The following FGF14 variants were observed in gnomAD, a reference collection of about 807,000 sequenced individuals.
FGF14 encodes fibroblast growth factor 14, also known as fibroblast growth factor homologous factor 4.
FGF14 carries 5 observed loss-of-function variants against 25.5 expected under a neutral mutation model. That is an observed-to-expected ratio of 0.20 (90% CI 0.10 to 0.41). FGF14 has a LOEUF of 0.41. FGF14 is among the 10% of genes least tolerant of loss of function. The probability of loss-of-function intolerance (pLI) is 1.00; values close to 1 mark genes in which losing one functional copy is unlikely to be tolerated. For missense variants in FGF14, 222 were observed against 320.1 expected (o/e 0.69, Z 2.34); for synonymous variants, 138 against 118.3 (o/e 1.17, Z -1.08).
chr13:101,867,311 T>G (rs2044762601), intron 3 of FGF14, among the ~76,000 whole-genome samples: 1 of 151,972 alleles, frequency 6.6e-6, no homozygotes, highest in South Asian at 2.1e-4. Context: ...TACAACCACA[T>G]GACAAAAAAT....
intron 1 of FGF14, among the ~76,000 whole-genome samples, chr13:101,934,424 G>A (rs971758495): frequency 1.3e-5 from 2 of 152,132 alleles, no homozygotes; most frequent in Non-Finnish European, 2.9e-5. Flanking sequence ...GATATCAGAA[G>A]AATTTTTGTC....
chr13:102,182,466 G>A (rs908543531), intron 1 of FGF14, among the ~76,000 whole-genome samples: 5 of 152,066 alleles, frequency 3.3e-5, no homozygotes, highest in Admixed American at 1.3e-4. Context: ...CTGATAATAC[G>A]TTATGGCTGC....
At chr13:102,065,206 C>T (rs1328371719) in intron 1 of FGF14, among the ~76,000 whole-genome samples, 4 of 151,986 alleles carry the variant, frequency 2.6e-5, no homozygotes, top group East Asian at 3.8e-4. Flanking sequence ...CTAGAAGTAA[C>T]CATAATGGAT....
At chr13:101,939,014 C>T (rs1235296731) in intron 1 of FGF14, among the ~76,000 whole-genome samples, 2 of 152,132 alleles carry the variant, frequency 1.3e-5, no homozygotes, top group Non-Finnish European at 2.9e-5. Context: ...GTACATCATG[C>T]AGCACATCCC....
rs1021646938 is a variant in FGF14, at chr13:101,748,513, A to T, written c.409-21703T>A. ...TGAGGATAGGAGGGGGACGACAGAT[A>T]AATTCTTTAATGGGTACAACGTACA... On this transcript the variant is annotated intron_variant, in intron 3 of 4. Transcript: ENST00000376143. 3.3e-5 allele frequency among the ~76,000 whole-genome samples: 5 copies of T among 151,790 alleles called. No individual in the cohort carries two copies. The East Asian group carries it at 9.7e-4, about 29-fold the overall frequency.
intron 1 of FGF14, among the ~76,000 whole-genome samples, chr13:102,167,926 A>T (rs1192204732): frequency 2.0e-5 from 3 of 152,110 alleles, no homozygotes; most frequent in Non-Finnish European, 4.4e-5. Flanking sequence ...AGCCAGGTAT[A>T]CGCACACACA....
At chr13:102,310,700 GGGGGGGGGGT>G (rs1566927686) in intron 1 of FGF14, among the ~76,000 whole-genome samples, 1 of 49,756 alleles carries the variant, frequency 2.0e-5, no homozygotes, top group African/African-American at 8.0e-5. Flanking sequence ...TGTGTGTGGG[GGGGGGGGGGT>G]GGGGGTTGTT....
chr13:102,172,537 C>T (rs1027643129), intron 1 of FGF14, among the ~76,000 whole-genome samples: 6 of 152,092 alleles, frequency 3.9e-5, no homozygotes, highest in African/African-American at 1.4e-4. Context: ...AAAAAGTGTT[C>T]AGAAACCTCC....
chr13:102,017,181 T>C (rs1005868104), intron 1 of FGF14: 4 of 273,968 alleles, frequency 1.5e-5, no homozygotes, highest in African/African-American at 9.0e-5. Flanking sequence ...TGGGTAGAAG[T>C]GTATTCTCCA....
chr13:101,979,215 G>A (rs190096128), intron 1 of FGF14, among the ~76,000 whole-genome samples: 1 of 152,274 alleles, frequency 6.6e-6, no homozygotes, highest in African/African-American at 2.4e-5. Flanking sequence ...ATGGAGAAAT[G>A]AATAGGACCT....
intron 1 of FGF14, among the ~76,000 whole-genome samples, chr13:101,926,666 A>G (rs2034387953): frequency 6.6e-6 from 1 of 152,228 alleles, no homozygotes; most frequent in Non-Finnish European, 1.5e-5. Context: ...AATCTAGCTA[A>G]ATAAAACTAA....
At chr13:101,926,308 C>T (rs1462956976) in intron 1 of FGF14, among the ~76,000 whole-genome samples, 2 of 152,150 alleles carry the variant, frequency 1.3e-5, no homozygotes, top group African/African-American at 2.4e-5. Context: ...AAATGAGAGT[C>T]CGGTTTCCTA....
intron 1 of FGF14, among the ~76,000 whole-genome samples, chr13:102,021,961 T>C (rs952078600): frequency 1.3e-5 from 2 of 152,066 alleles, no homozygotes; most frequent in Admixed American, 6.6e-5. Context: ...TGATCACTAA[T>C]TACCATTCCA....
chr13:102,092,460 C>A (rs1042759117), intron 1 of FGF14, among the ~76,000 whole-genome samples: 4 of 152,100 alleles, frequency 2.6e-5, no homozygotes, highest in African/African-American at 9.7e-5. Flanking sequence ...GAGGCCATTT[C>A]CTTTATGAAT....
intron 3 of FGF14, among the ~76,000 whole-genome samples, chr13:101,810,066 A>G (rs1178217147): frequency 1.3e-5 from 2 of 152,226 alleles, no homozygotes; most frequent in African/African-American, 4.8e-5. Flanking sequence ...ATACAATTGT[A>G]CTAAGACATA....
At chr13:102,108,591 A>G (rs1311243342) in intron 1 of FGF14, among the ~76,000 whole-genome samples, 5 of 152,246 alleles carry the variant, frequency 3.3e-5, no homozygotes, top group East Asian at 1.9e-4. Context: ...GGTTAGGTGT[A>G]TATTTAAACC....
chr13:101,975,813 AC>A (rs1336625758), intron 1 of FGF14, among the ~76,000 whole-genome samples: 7 of 152,200 alleles, frequency 4.6e-5, no homozygotes, highest in African/African-American at 1.7e-4. Context: ...AAAGCCCTTG[AC>A]CCTTCCATCA....
At chr13:102,249,027 A>G (rs1360986) in intron 1 of FGF14, among the ~76,000 whole-genome samples, 123,231 of 152,078 alleles carry the variant, frequency 0.81, 50,608 homozygotes, top group African/African-American at 0.95. Context: ...ATTGAGTTTG[A>G]GATACATGGG....
intron 1 of FGF14, among the ~76,000 whole-genome samples, chr13:102,256,497 CA>C (rs947506190): frequency 1.3e-5 from 2 of 151,326 alleles, no homozygotes; most frequent in Non-Finnish European, 2.9e-5. Context: ...GACCCTGTCT[CA>C]AAAAAAAGGA....
Sources: allele counts gnomAD v4.1 joint callset (sites outside exome capture counted in the v4.1 genomes callset), GRCh38; gene constraint gnomAD v4.1.1; transcripts MANE v1.5; gene names NCBI Gene and HGNC (gene_info 2026-07-23, HGNC 2026-07-21).